Variants in EHF observed in about 807,000 individuals in gnomAD.
EHF encodes the protein ETS homologous factor.
Under a neutral mutation model 45.1 loss-of-function variants are expected in EHF, and 14 were observed. The observed-to-expected ratio is 0.31, with a 90% confidence interval of 0.21 to 0.49. The LOEUF (loss-of-function observed/expected upper bound fraction) is 0.49. EHF is among the 20% of genes least tolerant of loss of function. The pLI is 0.99. For missense variants in EHF, 282 were observed against 371.4 expected (o/e 0.76, Z 1.98); for synonymous variants, 136 against 131.8 (o/e 1.03, Z -0.22).
At chr11:34,651,932 G>T (rs971424868) in intron 6 of EHF, 127 bp downstream of exon 6, 18 of 907,202 alleles carry the variant, frequency 2.0e-5, no homozygotes, top group Non-Finnish European at 3.0e-5. Flanking sequence ...AAGGGATGGG[G>T]TTACCATTAG....
At chr11:34,645,318 T>A (rs573308261) in intron 2 of EHF, among the ~76,000 whole-genome samples, 1 of 152,326 alleles carries the variant, frequency 6.6e-6, no homozygotes, top group Non-Finnish European at 1.5e-5. Flanking sequence ...TTCATTGGCA[T>A]CTGAATGTAC....
intron 6 of EHF, 93 bp downstream of exon 6, chr11:34,651,898 G>T: frequency 7.9e-7 from 1 of 1,268,142 alleles, no homozygotes; most frequent in Non-Finnish European, 1.1e-6. Flanking sequence ...CCTTTCTGGA[G>T]TCTTTCTAAT....
At position 34,659,255 on chromosome 11, in the gene EHF, T is replaced by A. The variant is rs1855933334; in HGVS notation, c.*324T>A. ...AACAGGATTTGTAGCCTTGTGCTTC[T>A]TGCTAAGAGAAAGAAAAACAAAATC... On this transcript the variant is annotated 3_prime_UTR_variant, in exon 9 of 9. Coordinates refer to ENST00000257831, the MANE Select transcript of EHF (RefSeq NM_012153.6). The A allele has an allele frequency of 4.9e-6, 1 of 203,856 alleles. No individual in the cohort carries two copies. Among genetic ancestry groups the A allele is most frequent in the Non-Finnish European group, 9.8e-6 (1 of 102,342 alleles). The allele number at this position is 203,856 out of a possible 1,614,324, so 12.6% of individuals were successfully genotyped here.
chr11:34,657,039 GT>G, intron 7 of EHF, 69 bp downstream of exon 7: 1 of 1,580,686 alleles, frequency 6.3e-7, no homozygotes, highest in Non-Finnish European at 8.6e-7. Context: ...GAGGCCACTA[GT>G]TTTTTGGCAA....
chr11:34,655,389 G>A (rs1855567112), intron 6 of EHF, among the ~76,000 whole-genome samples: 1 of 152,196 alleles, frequency 6.6e-6, no homozygotes, highest in African/African-American at 2.4e-5. Context: ...CTACTAACAA[G>A]AGCATTACAG....
intron 1 of EHF, among the ~76,000 whole-genome samples, chr11:34,630,660 A>G (rs1054852187): frequency 8.8e-6 from 1 of 113,612 alleles, no homozygotes; most frequent in Non-Finnish European, 1.8e-5. Flanking sequence ...CACCCTTCCT[A>G]CATTCCTGCA....
intron 1 of EHF, among the ~76,000 whole-genome samples, chr11:34,629,939 C>T (rs544496177): frequency 1.3e-5 from 2 of 152,106 alleles, no homozygotes; most frequent in African/African-American, 2.4e-5. Flanking sequence ...CAGTCCTAAC[C>T]CCTGAGTCAA....
rs1856124109 is a variant in EHF, at chr11:34,662,166, C to T, written c.*3235C>T. Among the ~76,000 whole-genome samples, 1 of 152,108 alleles carries T rather than the reference C, an allele frequency of 6.6e-6. No homozygotes were observed. The highest frequency in any genetic ancestry group is 2.4e-5 in the African/African-American group (1 of 41,444). On this transcript the variant is annotated 3_prime_UTR_variant, in exon 9 of 9. Coordinates refer to ENST00000257831, the MANE Select transcript of EHF (RefSeq NM_012153.6). ...TACCTAGCATGGGACAAGTACACAA[C>T]ACATATTTGTTCAATGAATGAATGA...
At chr11:34,635,936 T>C (rs989053843) in intron 1 of EHF, among the ~76,000 whole-genome samples, 2 of 152,022 alleles carry the variant, frequency 1.3e-5, no homozygotes, top group Non-Finnish European at 2.9e-5. Flanking sequence ...CCCCGCTGTT[T>C]ATAGTTCAGC....
At chr11:34,651,338 G>A (rs924443686) in intron 4 of EHF, among the ~76,000 whole-genome samples, 3 of 152,104 alleles carry the variant, frequency 2.0e-5, no homozygotes, top group Non-Finnish European at 4.4e-5. Flanking sequence ...ACACATGGAT[G>A]AGGCCATTTC....
In EHF at chr11:34,642,667, C is replaced by A. The variant is rs370092846; in HGVS notation, c.37C>A (p.Pro13Thr). ...AGGAGGTGGTGTAATGAATCTCAAC[C>A]CCGGCAACAACCTCCTTCACCAGCC... Reference protein sequence around the residue: ...LEGGGVMNLNPGNNLLHQPPA... With the variant: ...LEGGGVMNLNTGNNLLHQPPA... The change falls in exon 2 of 9, where the codon CCC becomes ACC. Residue 13 changes from proline (P) to threonine (T), a missense_variant. Pro to Thr is a conservative substitution (Grantham distance 38). Around this residue, in one of 3 missense-constraint regions of EHF, gnomAD observed 213 missense variants for 247.3 expected, o/e 0.86. Transcript: ENST00000257831. The A allele has an allele frequency of 1.2e-6, 2 of 1,613,890 alleles. No homozygotes were observed. The highest frequency in any genetic ancestry group is 2.7e-5 in the African/African-American group (2 of 74,872).
chr11:34,646,305 T>C, intron 2 of EHF, 134 bp from the exon 3 acceptor site: 2 of 1,395,230 alleles, frequency 1.4e-6, no homozygotes, highest in Non-Finnish European at 2.0e-6. Flanking sequence ...TTCTGCTCCA[T>C]CACCCATGCT....
At chr11:34,628,163 G>A (rs1320908648) in intron 1 of EHF, among the ~76,000 whole-genome samples, 1 of 152,030 alleles carries the variant, frequency 6.6e-6, no homozygotes, top group African/African-American at 2.4e-5. Context: ...ATTTGAACCT[G>A]GGAAGCAGAG....
At chr11:34,647,370 C>A (rs1854668323) in intron 3 of EHF, among the ~76,000 whole-genome samples, 1 of 152,180 alleles carries the variant, frequency 6.6e-6, no homozygotes, top group Non-Finnish European at 1.5e-5. Flanking sequence ...CAGGGATGGG[C>A]CACCATTCCA....
intron 2 of EHF, among the ~76,000 whole-genome samples, chr11:34,643,065 G>GGTGTGTGTGT (rs76080001): frequency 5.7e-4 from 83 of 145,026 alleles, no homozygotes; most frequent in African/African-American, 2.2e-3. Flanking sequence ...GGAGAGAAAG[G>GGTGTGTGTGT]GTATGTGTGT....
In EHF at chr11:34,646,858, T is replaced by C. The variant is rs1854600416; in HGVS notation, c.343+174T>C. ...AAGATGAAAGGACAGGATTGAAGCATAGGGTACCTGGTGTGCCTAATCCCT... is the reference window on the plus strand; with the variant it reads ...AAGATGAAAGGACAGGATTGAAGCACAGGGTACCTGGTGTGCCTAATCCCT... On this transcript the variant is annotated intron_variant, in intron 3 of 8. Coordinates refer to ENST00000257831, the MANE Select transcript of EHF (RefSeq NM_012153.6). 6.3e-6 allele frequency: 5 copies of C among 796,792 alleles called. No individual in the cohort carries two copies. The East Asian group carries it at 7.7e-5, about 12-fold the overall frequency. 49.4% of individuals were successfully genotyped at this position (796,792 alleles called of 1,614,324 possible).
chr11:34,644,587 A>T (rs144779680), intron 2 of EHF, among the ~76,000 whole-genome samples: 1 of 152,226 alleles, frequency 6.6e-6, no homozygotes, highest in East Asian at 1.9e-4. Context: ...TCTGTGTGCT[A>T]GATAAACTTG....
intron 3 of EHF, 38 bp downstream of exon 3, chr11:34,646,722 G>C (rs756234721): frequency 1.9e-6 from 3 of 1,600,034 alleles, no homozygotes; most frequent in Non-Finnish European, 1.7e-6. Context: ...TACCCTGCTA[G>C]GAGCCAGCTG....
At chr11:34,632,355 C>T (rs1852973350) in intron 1 of EHF, 2 of 860,478 alleles carry the variant, frequency 2.3e-6, no homozygotes, top group East Asian at 5.9e-5. Context: ...CTGCCAGCAA[C>T]TGAATTAACA....
Sources: allele counts gnomAD v4.1 joint callset (sites outside exome capture counted in the v4.1 genomes callset), GRCh38; gene constraint gnomAD v4.1.1; regional missense constraint gnomAD v4.1.1; transcripts MANE v1.5; gene names NCBI Gene and HGNC (gene_info 2026-07-23, HGNC 2026-07-21).